APPL1: variants seen among roughly 807,000 people sequenced by gnomAD.
The protein encoded by APPL1 is DCC-interacting protein 13-alpha.
In APPL1, 42 loss-of-function variants were observed where a neutral mutation model predicts 106.8. The observed-to-expected ratio is 0.39, with a 90% CI of 0.31 to 0.51. APPL1 has a LOEUF of 0.51. Ranked by LOEUF, APPL1 falls within the 20% of genes least tolerant of loss-of-function variation. The probability of loss-of-function intolerance (pLI) is 0.75; values close to 1 mark genes in which losing one functional copy is unlikely to be tolerated. For missense variants in APPL1, 769 were observed against 858.2 expected (o/e 0.90, Z 1.30); for synonymous variants, 263 against 281.8 (o/e 0.93, Z 0.67).
In APPL1 at chr3:57,259,023, T is replaced by G. The variant is rs765710995; in HGVS notation, c.1431-5T>G. 1 of 1,611,802 alleles carries G rather than the reference T, an allele frequency of 6.2e-7. No individual in the cohort carries two copies. The highest frequency in any genetic ancestry group is 8.5e-7 in the Non-Finnish European group (1 of 1,178,746). On this transcript the variant is annotated splice_region_variant and splice_polypyrimidine_tract_variant and intron_variant, in intron 15 of 21. Transcript: ENST00000288266. ...TGTGTTCATATTTTCTTCTAAACTTTTTAGGCGTACAAATCCATTTGGAGA... is the reference window on the plus strand; with the variant it reads ...TGTGTTCATATTTTCTTCTAAACTTGTTAGGCGTACAAATCCATTTGGAGA...
intron 8 of APPL1, among the ~76,000 whole-genome samples, chr3:57,247,022 G>A (rs1234540496): frequency 2.6e-5 from 4 of 151,600 alleles, no homozygotes; most frequent in African/African-American, 4.8e-5. Flanking sequence ...ATCTATTTAG[G>A]TAAAAGAGTA....
chr3:57,257,039 G>T lies in APPL1; in HGVS notation c.1235G>T (p.Arg412Leu). ...PSFQQRHESL[R>L]PAAGQSRPPT... ...TTCCAGCAGAGGCACGAGAGCCTGC[G>T]GCCAGCAGCAGGGTAAGTTACCACA... The change falls in exon 14 of 22, where the codon CGG (arginine) becomes CTG (leucine). Residue 412 changes from arginine (R) to leucine (L), a missense_variant. Coordinates refer to ENST00000288266, the MANE Select transcript of APPL1 (RefSeq NM_012096.3). 1 of 1,614,080 alleles carries T rather than the reference G, an allele frequency of 6.2e-7. No individual in the cohort carries two copies.
At chr3:57,246,366 C>T (rs1184788364) in intron 8 of APPL1, 144 bp downstream of exon 8, 4 of 559,392 alleles carry the variant, frequency 7.2e-6, no homozygotes, top group Non-Finnish European at 1.1e-5. Flanking sequence ...TTTAAAATGT[C>T]ATCAGACTAT....
chr3:57,255,393 C>G (rs1173694630), intron 13 of APPL1, among the ~76,000 whole-genome samples: 1 of 152,114 alleles, frequency 6.6e-6, no homozygotes, highest in Non-Finnish European at 1.5e-5. Context: ...GAGGCCTAGA[C>G]TAGTTTAGTA....
intron 19 of APPL1, among the ~76,000 whole-genome samples, chr3:57,266,849 A>G (rs991428044): frequency 6.6e-6 from 1 of 152,148 alleles, no homozygotes; most frequent in African/African-American, 2.4e-5. Flanking sequence ...TGAAGAGGAT[A>G]TCCCTTCCCC....
At position 57,228,690 on chromosome 3, in the gene APPL1, T is replaced by C. The variant is rs1465119781; in HGVS notation, c.54+753T>C. On this transcript the variant is annotated intron_variant, in intron 1 of 21. Coordinates refer to ENST00000288266, the MANE Select transcript of APPL1 (RefSeq NM_012096.3). The surrounding 1 kb of genome is among the most constrained non-coding windows in gnomAD (Gnocchi z 4.6). ...AGACAGTTTTGGAAAATGTAACCAT[T>C]TAATATGTTTTCAGTACTGCAGAAT... Among the ~76,000 whole-genome samples the C allele has an allele frequency of 6.6e-6, 1 of 152,228 alleles. No individual in the cohort carries two copies. The highest frequency in any genetic ancestry group is 1.5e-5 in the Non-Finnish European group (1 of 68,050).
chr3:57,235,923 A>G (rs534181324), intron 2 of APPL1, among the ~76,000 whole-genome samples: 3 of 150,846 alleles, frequency 2.0e-5, no homozygotes, highest in Non-Finnish European at 4.4e-5. Context: ...TTTGGGGGGA[A>G]CCCCCCATTA....
intron 19 of APPL1, among the ~76,000 whole-genome samples, 192 bp downstream of exon 19, chr3:57,260,966 G>A (rs760254260): frequency 2.0e-5 from 3 of 152,116 alleles, no homozygotes; most frequent in Non-Finnish European, 4.4e-5. Flanking sequence ...GCAAGTCAGG[G>A]TATTTAGGGT....
intron 19 of APPL1, among the ~76,000 whole-genome samples, chr3:57,261,729 A>G (rs1047595597): frequency 1.3e-5 from 2 of 152,024 alleles, no homozygotes; most frequent in African/African-American, 4.8e-5. Flanking sequence ...CGTGTTAGCC[A>G]GGATAGTCTT....
intron 6 of APPL1, among the ~76,000 whole-genome samples, chr3:57,242,558 G>A (rs2060752327): frequency 6.6e-6 from 1 of 152,162 alleles, no homozygotes; most frequent in South Asian, 2.1e-4. Flanking sequence ...GAGTAGCTGG[G>A]ACTATTGGCA....
rs2107592718 is a variant in APPL1 at position 57,228,414 on chromosome 3, G to A, written c.54+477G>A. ...TTTGGGAGAGGCTGTAAGGTTGTGT[G>A]TGGAGCCCTAATGGCAAAGCCCGTG... On this transcript the variant is annotated intron_variant, in intron 1 of 21. Transcript: ENST00000288266. This position sits in a 1 kb window ranked among gnomAD's most constrained non-coding sequence, Gnocchi z 4.6. Among the ~76,000 whole-genome samples the A allele has an allele frequency of 6.6e-6, 1 of 152,350 alleles. No individual in the cohort carries two copies. Among genetic ancestry groups the A allele is most frequent in the African/African-American group, 2.4e-5 (1 of 41,586 alleles).
intron 1 of APPL1, chr3:57,230,821 T>C (rs573744730): frequency 6.8e-6 from 3 of 439,670 alleles, no homozygotes; most frequent in South Asian, 5.1e-5. Flanking sequence ...GTAGGTTGGA[T>C]TGCAGTGGCA....
At chr3:57,269,016 AGAG>A (rs1275074236) in intron 21 of APPL1, 3 of 153,124 alleles carry the variant, frequency 2.0e-5, no homozygotes, top group Non-Finnish European at 4.4e-5. Flanking sequence ...GGAATAGAAA[AGAG>A]GAGACAGCTG....
rs1316373298 is a variant in APPL1, at chr3:57,237,493, A to G, written c.155A>G (p.Asn52Ser). Residue 52 changes from asparagine (N) to serine (S), a missense_variant and splice_region_variant, in exon 3 of 22, where the codon AAT becomes AGT. Physicochemically the swap from Asn to Ser is conservative, Grantham distance 46 (BLOSUM62 1). Transcript: ENST00000288266. ...CTAATTTGAATGCTTTTTCCATAGAATGAATTAAGTGCAGCAACACACCTG... is the reference window on the plus strand; with the variant it reads ...CTAATTTGAATGCTTTTTCCATAGAGTGAATTAAGTGCAGCAACACACCTG... Reference protein sequence around the residue: ...QAMHRIYDAQNELSAATHLTS... With the variant: ...QAMHRIYDAQSELSAATHLTS... 6.3e-7 allele frequency: 1 copy of G among 1,599,084 alleles called. No individual in the cohort carries two copies. Among genetic ancestry groups the G allele is most frequent in the Non-Finnish European group, 8.5e-7 (1 of 1,173,954 alleles).
At position 57,247,248 on chromosome 3, in the gene APPL1, C is replaced by T. The variant is rs993748831; in HGVS notation, c.622-147C>T. The T allele has an allele frequency of 1.7e-5, 9 of 535,306 alleles. No individual in the cohort carries two copies. In the Admixed American group the frequency reaches 2.2e-4, roughly 13 times the overall value. The allele number at this position is 535,306 out of a possible 1,614,324, so 33.2% of individuals were successfully genotyped here. A position where few individuals can be genotyped will look rare whatever the true frequency, so the allele number is the denominator to read the frequency against. ...ATGGCTCCCTGTGCAGTAGAAGTCA[C>T]AAACTACAATGTATTTTTACACAAA... On this transcript the variant is annotated intron_variant, in intron 8 of 21. Coordinates refer to ENST00000288266, the MANE Select transcript of APPL1 (RefSeq NM_012096.3).
intron 8 of APPL1, among the ~76,000 whole-genome samples, chr3:57,246,732 G>T (rs79323047): frequency 1.3e-5 from 2 of 152,106 alleles, no homozygotes; most frequent in Admixed American, 6.5e-5. Flanking sequence ...GGGCAGGCAC[G>T]GTGCCTTATG....
Position 57,235,300 on chromosome 3 carries a change from G to C in APPL1, c.55-266G>C, listed in dbSNP as rs79525643. On this transcript the variant is annotated intron_variant, in intron 1 of 21. Coordinates refer to ENST00000288266, the MANE Select transcript of APPL1 (RefSeq NM_012096.3). ...TCTGTTGATTTGTTCTTAGTTTATA[G>C]AATTTTTAGTTTATGAAAATATACC... Among the ~76,000 whole-genome samples the C allele has an allele frequency of 0.024, 3,622 of 152,070 alleles. 66 individuals carry two copies. The highest frequency in any genetic ancestry group is 0.036 in the South Asian group (172 of 4,814).
chr3:57,268,242 G>T lies in APPL1; in HGVS notation c.1894-156G>T, dbSNP rs1474101485. The T allele has an allele frequency of 5.6e-6, 4 of 719,316 alleles. No homozygotes were observed. In the African/African-American group the frequency reaches 7.1e-5, roughly 13 times the overall value. The allele number at this position is 719,316 out of a possible 1,614,324, so 44.6% of individuals were successfully genotyped here. A position where few individuals can be genotyped will look rare whatever the true frequency, so the allele number is the denominator to read the frequency against. ...TTACCAACATAGCATTTAGAATTTG[G>T]ATAATTGTTTACCATTGAATATAAA... On this transcript the variant is annotated intron_variant, in intron 20 of 21. Transcript: ENST00000288266.
At chr3:57,255,398 T>C (rs2060829534) in intron 13 of APPL1, among the ~76,000 whole-genome samples, 1 of 152,164 alleles carries the variant, frequency 6.6e-6, no homozygotes, top group Admixed American at 6.6e-5. Context: ...CTAGACTAGT[T>C]TAGTAACTGA....
Sources: gnomAD v4.1 joint callset for allele counts (sites outside exome capture counted in the v4.1 genomes callset) on GRCh38, gnomAD v4.1.1 for gene constraint, Gnocchi (gnomAD v3.1) non-coding constraint, MANE v1.5 for transcripts, NCBI Gene and HGNC (gene_info 2026-07-23, HGNC 2026-07-21) for gene names.